ME3: variants seen among roughly 807,000 people sequenced by gnomAD.
The protein encoded by ME3 is NADP-dependent malic enzyme, mitochondrial.
In ME3, 48 loss-of-function variants were observed where a neutral mutation model predicts 68.9. That is an observed-to-expected ratio of 0.70 (90% CI 0.55 to 0.89). ME3 has a LOEUF of 0.89. ME3 is among the 40% of genes least tolerant of loss of function. The pLI is 0.00. For synonymous variants in ME3, 320 were observed against 318.8 expected (o/e 1.00, Z -0.04); for missense variants, 675 against 797.4 (o/e 0.85, Z 1.85).
chr11:86,637,585 C>T (rs1177504181), intron 2 of ME3, among the ~76,000 whole-genome samples: 1 of 152,098 alleles, frequency 6.6e-6, no homozygotes. Flanking sequence ...TTGTGTAGCA[C>T]GCACAGCACA....
intron 2 of ME3, among the ~76,000 whole-genome samples, chr11:86,623,557 G>T (rs1309041886): frequency 3.9e-5 from 6 of 152,166 alleles, no homozygotes; most frequent in South Asian, 2.1e-4. Context: ...ATGAGTTAAT[G>T]AAAGTAAAAG....
At chr11:86,509,404 AC>A (rs1953336648) in intron 4 of ME3, among the ~76,000 whole-genome samples, 6 of 77,652 alleles carry the variant, frequency 7.7e-5, no homozygotes, top group Non-Finnish European at 1.3e-4. Flanking sequence ...ATCATCACAC[AC>A]ACACACACAC....
At chr11:86,571,953 G>A (rs2139554271) in intron 2 of ME3, among the ~76,000 whole-genome samples, 1 of 152,352 alleles carries the variant, frequency 6.6e-6, no homozygotes, top group African/African-American at 2.4e-5. Flanking sequence ...AACGATGTGA[G>A]GCTAAGGGGA....
At chr11:86,477,110 A>C (rs1870323) in intron 7 of ME3, among the ~76,000 whole-genome samples, 2 of 152,156 alleles carry the variant, frequency 1.3e-5, no homozygotes, top group South Asian at 4.2e-4. Flanking sequence ...TTTATCCATC[A>C]TAAGTACTCT....
chr11:86,496,941 T>C (rs1205599511), intron 6 of ME3, among the ~76,000 whole-genome samples: 1 of 151,744 alleles, frequency 6.6e-6, no homozygotes, highest in Admixed American at 6.6e-5. Flanking sequence ...GTGCTTGTTA[T>C]GTGGCTGATA....
chr11:86,664,297 TTA>T (rs1304647664), intron 2 of ME3, among the ~76,000 whole-genome samples: 3 of 152,224 alleles, frequency 2.0e-5, no homozygotes, highest in Admixed American at 6.5e-5. Flanking sequence ...CCTTTAATAT[TTA>T]TATCTTTTTA....
chr11:86,530,283 A>T (rs1188479890), intron 4 of ME3, among the ~76,000 whole-genome samples: 1 of 152,180 alleles, frequency 6.6e-6, no homozygotes, highest in Non-Finnish European at 1.5e-5. Context: ...TAGGAATCCA[A>T]CTTACAAGGG....
At chr11:86,596,726 T>C (rs986004657) in intron 2 of ME3, among the ~76,000 whole-genome samples, 1 of 152,216 alleles carries the variant, frequency 6.6e-6, no homozygotes, top group Admixed American at 6.5e-5. Context: ...ATTCAATGAC[T>C]TGGCCAAGGT....
Position 86,466,353 on chromosome 11 carries a change from T to C in ME3, c.810-1153A>G, listed in dbSNP as rs1291570812. On this transcript the variant is annotated intron_variant, in intron 7 of 14. Transcript: ENST00000543262. ...TTCACCTCATGGGTCAATTTGTGGC[T>C]GAGTAACAGCATCTGAGGTCATGTC... is the stretch of plus-strand genomic sequence containing the variant. Among the ~76,000 whole-genome samples the C allele has an allele frequency of 4.6e-5, 7 of 152,218 alleles. No individual in the cohort carries two copies. In the East Asian group the frequency reaches 1.3e-3, roughly 29 times the overall value.
chr11:86,580,225 G>A (rs150287464), intron 2 of ME3, among the ~76,000 whole-genome samples: 1 of 152,046 alleles, frequency 6.6e-6, no homozygotes, highest in African/African-American at 2.4e-5. Flanking sequence ...TGACATTGTC[G>A]ACCCTGAAGG....
intron 5 of ME3, among the ~76,000 whole-genome samples, chr11:86,505,259 T>TG (rs201006318): frequency 3.8e-4 from 37 of 96,126 alleles, no homozygotes; most frequent in South Asian, 3.4e-3. Flanking sequence ...CACCTAGGGG[T>TG]GGGGGGGGAG....
chr11:86,553,014 C>T (rs1034985785), intron 4 of ME3, among the ~76,000 whole-genome samples: 3 of 152,172 alleles, frequency 2.0e-5, no homozygotes, highest in Non-Finnish European at 4.4e-5. Flanking sequence ...GGCCTCCACC[C>T]AGCCTCACCT....
chr11:86,497,817 G>A, intron 6 of ME3, 146 bp downstream of exon 6: 3 of 953,252 alleles, frequency 3.1e-6, no homozygotes, highest in African/African-American at 1.7e-5. Flanking sequence ...CTCCACAACT[G>A]TGTAGGGGGA....
chr11:86,532,167 A>C (rs1371359969), intron 4 of ME3, among the ~76,000 whole-genome samples: 1 of 152,190 alleles, frequency 6.6e-6, no homozygotes, highest in African/African-American at 2.4e-5. Context: ...CAATTCATCA[A>C]GAGGGTGTAA....
chr11:86,495,905 C>G (rs1952296541), intron 6 of ME3, among the ~76,000 whole-genome samples: 1 of 152,126 alleles, frequency 6.6e-6, no homozygotes, highest in Non-Finnish European at 1.5e-5. Flanking sequence ...AACCAAGGTC[C>G]CTGGCTTGTC....
At chr11:86,523,507 A>AT (rs1954486864) in intron 4 of ME3, among the ~76,000 whole-genome samples, 5 of 149,244 alleles carry the variant, frequency 3.4e-5, no homozygotes, top group Middle Eastern at 3.5e-3. Flanking sequence ...AATTGTTTGT[A>AT]CTCTTTTTTT....
At chr11:86,540,657 A>G (rs1423747199) in intron 4 of ME3, among the ~76,000 whole-genome samples, 2 of 152,226 alleles carry the variant, frequency 1.3e-5, no homozygotes, top group Admixed American at 6.5e-5. Flanking sequence ...TAAATATGCA[A>G]GGGAAATTTA....
At chr11:86,622,113 G>A (rs1943384492) in intron 2 of ME3, among the ~76,000 whole-genome samples, 1 of 151,980 alleles carries the variant, frequency 6.6e-6, no homozygotes. Flanking sequence ...AGGTGGTGCA[G>A]GACTTGTGGA....
At chr11:86,532,001 A>C (rs112442772) in intron 4 of ME3, among the ~76,000 whole-genome samples, 10,365 of 151,526 alleles carry the variant, frequency 0.068, 453 homozygotes, top group East Asian at 0.13. Flanking sequence ...CCAAAAAAAA[A>C]CCAGAAACTG....
Sources: gnomAD v4.1 joint callset for allele counts (sites outside exome capture counted in the v4.1 genomes callset) on GRCh38, gnomAD v4.1.1 for gene constraint, MANE v1.5 for transcripts, NCBI Gene and HGNC (gene_info 2026-07-23, HGNC 2026-07-21) for gene names.